YARS1: variants seen among roughly 807,000 people sequenced by gnomAD.
The protein encoded by YARS1 is tyrosine--tRNA ligase, cytoplasmic.
Under a neutral mutation model 62.2 loss-of-function variants are expected in YARS1, and 36 were observed. That is an observed-to-expected ratio of 0.58 (90% CI 0.44 to 0.76). YARS1 has a LOEUF of 0.76. Ranked by LOEUF, YARS1 falls within the 30% of genes least tolerant of loss-of-function variation. The pLI is 0.00. For synonymous variants in YARS1, 234 were observed against 244.9 expected (o/e 0.96, Z 0.42); for missense variants, 524 against 639.8 (o/e 0.82, Z 1.95).
intron 5 of YARS1, among the ~76,000 whole-genome samples, chr1:32,797,098 A>G (rs1406349746): frequency 7.3e-6 from 1 of 137,594 alleles, no homozygotes; most frequent in East Asian, 2.2e-4. Flanking sequence ...TAAGCCAGGC[A>G]CAGTGGATCT....
intron 6 of YARS1, among the ~76,000 whole-genome samples, chr1:32,789,226 T>C (rs1653334546): frequency 6.6e-6 from 1 of 152,242 alleles, no homozygotes; most frequent in Non-Finnish European, 1.5e-5. Flanking sequence ...TTACAAATTA[T>C]ATATAATGCT....
chr1:32,776,083 G>T lies in YARS1; in HGVS notation c.1485C>A (p.Phe495Leu). Residue 495 changes from phenylalanine (F) to leucine (L), a missense_variant, in exon 13 of 13, where the codon TTC (phenylalanine) becomes TTA (leucine). Phe to Leu is a conservative substitution (Grantham distance 22). Transcript: ENST00000373477. This position sits in a 1 kb window ranked among gnomAD's most constrained non-coding sequence, Gnocchi z 4.0. ...GTGCGATGCACTCCTCAGAAATTTT[G>T]AAGTCAGCCTGGACAAGACAGATAA... is the stretch of plus-strand genomic sequence containing the variant. Reference protein sequence around the residue: ...KKVFEKLQADFKISEECIAQW... With the variant: ...KKVFEKLQADLKISEECIAQW... The T allele has an allele frequency of 6.2e-7, 1 of 1,613,780 alleles. No individual in the cohort carries two copies. Among genetic ancestry groups the T allele is most frequent in the Non-Finnish European group, 8.5e-7 (1 of 1,179,788 alleles).
intron 9 of YARS1, chr1:32,782,101 G>C (rs1557447011): frequency 2.4e-6 from 1 of 416,468 alleles, no homozygotes; most frequent in Non-Finnish European, 4.5e-6. Context: ...CACTGTGTCT[G>C]GCCCCGGTCA....
chr1:32,789,441 T>C (rs1211761331), intron 6 of YARS1, among the ~76,000 whole-genome samples: 1 of 152,216 alleles, frequency 6.6e-6, no homozygotes, highest in East Asian at 1.9e-4. Context: ...GTAATAGGCT[T>C]TGTTTCTTAT....
chr1:32,796,724 A>G (rs1057330952), intron 5 of YARS1, among the ~76,000 whole-genome samples: 6 of 151,200 alleles, frequency 4.0e-5, no homozygotes, highest in Non-Finnish European at 7.4e-5. Context: ...AGTGCTTTGG[A>G]AGGCTGAGAT....
At chr1:32,799,192 G>A (rs1400703760) in intron 4 of YARS1, among the ~76,000 whole-genome samples, 1 of 152,186 alleles carries the variant, frequency 6.6e-6, no homozygotes. Context: ...GGTGTGAAGT[G>A]TTTAGGGAAA....
intron 5 of YARS1, among the ~76,000 whole-genome samples, chr1:32,791,570 G>T (rs1304671736): frequency 9.2e-5 from 14 of 152,328 alleles, no homozygotes; most frequent in South Asian, 2.1e-4. Context: ...GGGAGGCTGA[G>T]GTGGGTGGAT....
At chr1:32,788,499 C>T (rs1385253514) in intron 6 of YARS1, among the ~76,000 whole-genome samples, 2 of 151,892 alleles carry the variant, frequency 1.3e-5, no homozygotes, top group African/African-American at 4.8e-5. Flanking sequence ...GGCATGATCT[C>T]GACTCACCTC....
chr1:32,784,108 G>A (rs1017347821), intron 8 of YARS1, among the ~76,000 whole-genome samples: 1 of 151,264 alleles, frequency 6.6e-6, no homozygotes, highest in Non-Finnish European at 1.5e-5. Context: ...GGGCTCAAGC[G>A]ATCCTCCCAC....
Position 32,776,312 on chromosome 1 carries a change from T to G in YARS1, c.1477-221A>C, listed in dbSNP as rs1018328841. 1.3e-5 allele frequency among the ~76,000 whole-genome samples: 2 copies of G among 152,058 alleles called. No individual in the cohort carries two copies. Among genetic ancestry groups the G allele is most frequent in the African/African-American group, 4.8e-5 (2 of 41,408 alleles). Reference sequence around the variant, plus strand: ...ACAGGCATGCACCACCACGCCCGACTAATTTTGTACTTTTAGTAGACACGG... The same window carrying G: ...ACAGGCATGCACCACCACGCCCGACGAATTTTGTACTTTTAGTAGACACGG... On this transcript the variant is annotated intron_variant, in intron 12 of 12. Coordinates refer to ENST00000373477, the MANE Select transcript of YARS1 (RefSeq NM_003680.4). The surrounding 1 kb of genome is among the most constrained non-coding windows in gnomAD (Gnocchi z 4.0).
chr1:32,787,667 G>A lies in YARS1; in HGVS notation c.685-592C>T, dbSNP rs191945100. On this transcript the variant is annotated intron_variant, in intron 6 of 12. Transcript: ENST00000373477. ...TGGGATTACAGGTGCCTGTCACCAC[G>A]CCCAGCTAATTTTGTTTTTGTATTT... Among the ~76,000 whole-genome samples, 203 of 152,036 alleles carry A rather than the reference G, an allele frequency of 1.3e-3. 2 individuals carry two copies. The highest frequency in any genetic ancestry group is 4.7e-3 in the African/African-American group (196 of 41,466).
chr1:32,801,191 G>A (rs1022929496), intron 4 of YARS1, among the ~76,000 whole-genome samples: 5 of 152,168 alleles, frequency 3.3e-5, no homozygotes, highest in African/African-American at 1.2e-4. Context: ...AGGCCTATAG[G>A]TTGGAGAAGG....
chr1:32,799,495 G>C (rs1195265608), intron 4 of YARS1, among the ~76,000 whole-genome samples: 1 of 152,158 alleles, frequency 6.6e-6, no homozygotes, highest in Non-Finnish European at 1.5e-5. Flanking sequence ...AAGACAATGA[G>C]GACGCAGAGC....
At chr1:32,782,604 A>G in intron 8 of YARS1, 65 bp from the exon 9 acceptor site, 1 of 1,607,658 alleles carries the variant, frequency 6.2e-7, no homozygotes, top group Non-Finnish European at 8.5e-7. Context: ...CCTGAATCCA[A>G]AAAAGTAGGA....
chr1:32,795,174 C>A (rs1158368729), intron 5 of YARS1, among the ~76,000 whole-genome samples: 1 of 149,342 alleles, frequency 6.7e-6, no homozygotes, highest in Non-Finnish European at 1.5e-5. Flanking sequence ...AAAAAATTAG[C>A]AGGGTGTGGT....
At chr1:32,786,233 A>G (rs761589931) in intron 8 of YARS1, 129 bp downstream of exon 8, 5 of 962,476 alleles carry the variant, frequency 5.2e-6, no homozygotes, top group Non-Finnish European at 4.9e-6. Context: ...GAGATTACCA[A>G]AAGTAGAGCA....
chr1:32,813,395 T>G (rs1187264753), intron 1 of YARS1, among the ~76,000 whole-genome samples: 1 of 152,370 alleles, frequency 6.6e-6, no homozygotes, highest in East Asian at 1.9e-4. Flanking sequence ...CTCCGCTTAC[T>G]GCAACCTCCG....
rs749204504 is a variant in YARS1, at chr1:32,786,496, G to C, written c.821-49C>G. 3.5e-6 allele frequency: 5 copies of C among 1,427,794 alleles called. No homozygotes were observed. In the Admixed American group the frequency reaches 8.7e-5, roughly 25 times the overall value. 88.4% of individuals were successfully genotyped at this position (1,427,794 alleles called of 1,614,324 possible). On this transcript the variant is annotated intron_variant, in intron 7 of 12. Transcript: ENST00000373477. ...AACAAACTCATTGACAGCATTCCTAGCTCACATGCATGACTATTCCTAGCC... is the reference window on the plus strand; with the variant it reads ...AACAAACTCATTGACAGCATTCCTACCTCACATGCATGACTATTCCTAGCC...
intron 5 of YARS1, among the ~76,000 whole-genome samples, chr1:32,796,542 T>C (rs1486906968): frequency 1.3e-5 from 2 of 151,810 alleles, no homozygotes; most frequent in Non-Finnish European, 2.9e-5. Flanking sequence ...TTTTATTTTA[T>C]TGTGGAGACA....
Sources: gnomAD v4.1 joint callset for allele counts (sites outside exome capture counted in the v4.1 genomes callset) on GRCh38, gnomAD v4.1.1 for gene constraint, Gnocchi (gnomAD v3.1) non-coding constraint, MANE v1.5 for transcripts, NCBI Gene and HGNC (gene_info 2026-07-23, HGNC 2026-07-21) for gene names.